CAMKMT: variants seen among roughly 807,000 people sequenced by gnomAD.
The protein encoded by CAMKMT is CaM KMT.
Under a neutral mutation model 48.0 loss-of-function variants are expected in CAMKMT, and 53 were observed. That is an observed-to-expected ratio of 1.10 (90% CI 0.89 to 1.39). The LOEUF (loss-of-function observed/expected upper bound fraction) is 1.39. Among genes scored for constraint, CAMKMT ranks in the 40% most tolerant of loss-of-function variants. The pLI is 0.00. For missense variants in CAMKMT, 428 were observed against 402.7 expected, an observed-to-expected ratio of 1.06 and a Z score of -0.54; for synonymous variants, 165 against 152.3, an observed-to-expected ratio of 1.08 and a Z score of -0.61.
chr2:44,625,325 T>C (rs1672418628), intron 3 of CAMKMT, among the ~76,000 whole-genome samples: 3 of 152,154 alleles, frequency 2.0e-5, no homozygotes, highest in Non-Finnish European at 2.9e-5. Context: ...TTTGTACAGT[T>C]TTTAGTTGAA....
intron 3 of CAMKMT, among the ~76,000 whole-genome samples, chr2:44,417,449 T>A (rs1343631815): frequency 6.6e-6 from 1 of 152,170 alleles, no homozygotes; most frequent in African/African-American, 2.4e-5. Context: ...ATTTATGTAT[T>A]CATCTATTGA....
chr2:44,413,907 A>G (rs942669640), intron 3 of CAMKMT, among the ~76,000 whole-genome samples: 5 of 152,202 alleles, frequency 3.3e-5, no homozygotes, highest in African/African-American at 7.2e-5. Flanking sequence ...ACCTCATTCA[A>G]TATATTTTCA....
rs1308298368 is a variant in CAMKMT, at chr2:44,645,112, A to G, written c.377-59171A>G. On this transcript the variant is annotated intron_variant, in intron 3 of 10. Transcript: ENST00000378494. ...GAGTACAAACAGATAACCCAAGCTT[A>G]GTCCAGATTTGATTTGGGAGAAACT... Among the ~76,000 whole-genome samples, 5 of 152,238 alleles carry G rather than the reference A, an allele frequency of 3.3e-5. No homozygotes were observed. The East Asian group carries it at 9.6e-4, about 29-fold the overall frequency.
chr2:44,723,514 C>T (rs921455529), intron 7 of CAMKMT, among the ~76,000 whole-genome samples: 1 of 151,848 alleles, frequency 6.6e-6, no homozygotes, highest in Non-Finnish European at 1.5e-5. Context: ...TTGCTTGAAC[C>T]TGGGAGGCAG....
chr2:44,381,786 A>G (rs1384850524), intron 2 of CAMKMT, among the ~76,000 whole-genome samples: 1 of 152,154 alleles, frequency 6.6e-6, no homozygotes, highest in East Asian at 1.9e-4. Context: ...ATAGAATAAG[A>G]TTTGAAGGCT....
At position 44,754,520 on chromosome 2, in the gene CAMKMT, A is replaced by T. The variant is rs1254365162; in HGVS notation, c.762+402A>T. On this transcript the variant is annotated intron_variant, in intron 9 of 10. Coordinates refer to ENST00000378494, the MANE Select transcript of CAMKMT (RefSeq NM_024766.5). Reference sequence around the variant, plus strand: ...AACCTTTCTCATTGGTTATTTATTTATTGCAAAATAATACTTTTTTCTTTT... The same window carrying T: ...AACCTTTCTCATTGGTTATTTATTTTTTGCAAAATAATACTTTTTTCTTTT... Among the ~76,000 whole-genome samples, 3 of 152,264 alleles carry T rather than the reference A, an allele frequency of 2.0e-5. No individual in the cohort carries two copies. The East Asian group carries it at 5.8e-4, about 29-fold the overall frequency.
chr2:44,516,231 G>C (rs561022693), intron 3 of CAMKMT, among the ~76,000 whole-genome samples: 11 of 152,178 alleles, frequency 7.2e-5, no homozygotes, highest in Non-Finnish European at 1.3e-4. Flanking sequence ...AATAAATTAA[G>C]TACCTTTCCC....
chr2:44,479,971 A>C (rs149978398), intron 3 of CAMKMT, among the ~76,000 whole-genome samples: 1 of 152,222 alleles, frequency 6.6e-6, no homozygotes, highest in Non-Finnish European at 1.5e-5. Context: ...CTTCCACCCC[A>C]ATTACAAGAA....
intron 3 of CAMKMT, among the ~76,000 whole-genome samples, chr2:44,491,335 A>G (rs1294163972): frequency 6.6e-6 from 1 of 152,136 alleles, no homozygotes; most frequent in Non-Finnish European, 1.5e-5. Context: ...AATAAAATTG[A>G]AAGTTGTTCT....
At chr2:44,514,314 C>T (rs1670727301) in intron 3 of CAMKMT, among the ~76,000 whole-genome samples, 2 of 151,094 alleles carry the variant, frequency 1.3e-5, no homozygotes, top group African/African-American at 2.5e-5. Flanking sequence ...ATAACTTCTG[C>T]CAGACCTTGG....
chr2:44,377,356 A>G (rs1237787092), intron 2 of CAMKMT, among the ~76,000 whole-genome samples: 1 of 152,118 alleles, frequency 6.6e-6, no homozygotes, highest in Admixed American at 6.5e-5. Context: ...TTGTTATTAG[A>G]TAGATGCAAG....
chr2:44,524,969 A>AC (rs1671324166), intron 3 of CAMKMT, among the ~76,000 whole-genome samples: 1 of 107,798 alleles, frequency 9.3e-6, no homozygotes, highest in Non-Finnish European at 2.3e-5. Flanking sequence ...ATTTCATAAA[A>AC]AAAAAAAAAA....
At position 44,538,001 on chromosome 2, in the gene CAMKMT, A is replaced by C. The variant is rs114177276; in HGVS notation, c.376+147696A>C. ...TCATATGAAAAAGGCACATGCACAC[A>C]TGTGTTTATAGCAGCACAGTTCCAA... On this transcript the variant is annotated intron_variant, in intron 3 of 10. Coordinates refer to ENST00000378494, the MANE Select transcript of CAMKMT (RefSeq NM_024766.5). 5.7e-3 allele frequency among the ~76,000 whole-genome samples: 873 copies of C among 152,330 alleles called. 4 individuals are homozygous for C. The highest frequency in any genetic ancestry group is 9.9e-3 in the Non-Finnish European group (674 of 68,026).
chr2:44,483,611 A>T (rs1669079196), intron 3 of CAMKMT, among the ~76,000 whole-genome samples: 1 of 152,170 alleles, frequency 6.6e-6, no homozygotes, highest in Non-Finnish European at 1.5e-5. Context: ...TTAAGAAATT[A>T]AAGGACAAGA....
rs111439000 is a variant in CAMKMT at position 44,634,607 on chromosome 2, G to A, written c.377-69676G>A. ...GCTAGGTACCATGCCAGGATTTGGG[G>A]ATACAAAGGAATAACTCTTTCTATC... On this transcript the variant is annotated intron_variant, in intron 3 of 10. Coordinates refer to ENST00000378494, the MANE Select transcript of CAMKMT (RefSeq NM_024766.5). 2.1e-3 allele frequency among the ~76,000 whole-genome samples: 313 copies of A among 152,076 alleles called. 1 individual carries two copies. In the Middle Eastern group the frequency reaches 0.024, roughly 12 times the overall value.
intron 3 of CAMKMT, among the ~76,000 whole-genome samples, chr2:44,553,747 A>G (rs1352847690): frequency 2.0e-5 from 3 of 152,192 alleles, no homozygotes; most frequent in African/African-American, 4.8e-5. Context: ...AAGATAGTCA[A>G]CTGTTGCATT....
intron 3 of CAMKMT, among the ~76,000 whole-genome samples, chr2:44,392,416 A>T (rs1681436180): frequency 6.6e-6 from 1 of 152,136 alleles, no homozygotes; most frequent in Non-Finnish European, 1.5e-5. Context: ...GTAAATATTG[A>T]TTATGACTTT....
At chr2:44,434,544 C>T (rs1439971803) in intron 3 of CAMKMT, among the ~76,000 whole-genome samples, 1 of 152,140 alleles carries the variant, frequency 6.6e-6, no homozygotes, top group Non-Finnish European at 1.5e-5. Context: ...TATTGTCCTA[C>T]TGTATGGTAA....
intron 2 of CAMKMT, among the ~76,000 whole-genome samples, chr2:44,376,420 A>C (rs1679701441): frequency 1.1e-5 from 1 of 94,698 alleles, no homozygotes; most frequent in Admixed American, 9.8e-5. Flanking sequence ...ACTCTGTATC[A>C]AAAAAAAAAA....
Sources: allele counts gnomAD v4.1 joint callset (sites outside exome capture counted in the v4.1 genomes callset), GRCh38; gene constraint gnomAD v4.1.1; transcripts MANE v1.5; gene names NCBI Gene and HGNC (gene_info 2026-07-23, HGNC 2026-07-21).